TNKS2: variants seen among roughly 807,000 people sequenced by gnomAD.
TNKS2 encodes poly [ADP-ribose] polymerase tankyrase-2.
A neutral mutation model predicts 137.6 loss-of-function variants in TNKS2; 72 were observed. The observed-to-expected ratio is 0.52, with a 90% confidence interval of 0.43 to 0.64. The LOEUF (loss-of-function observed/expected upper bound fraction) is 0.64, where lower values mean the gene tolerates loss of function less well. TNKS2 is among the 30% of genes least tolerant of loss of function. The pLI is 0.00. For missense variants in TNKS2, 1,049 were observed against 1,410.2 expected (o/e 0.74, Z 4.10); for synonymous variants, 516 against 512.1 (o/e 1.01, Z -0.10).
chr10:91,835,836 G>C (rs773908296), intron 12 of TNKS2, among the ~76,000 whole-genome samples: 3 of 145,036 alleles, frequency 2.1e-5, no homozygotes, highest in Non-Finnish European at 4.5e-5. Flanking sequence ...TCCAACTCCT[G>C]ACCTCAAGTA....
intron 1 of TNKS2, 28 bp from the exon 2 acceptor site, chr10:91,812,955 T>TA (rs766593265): frequency 6.2e-6 from 10 of 1,610,064 alleles, no homozygotes; most frequent in Admixed American, 5.0e-5. Context: ...TTGTTGAACT[T>TA]ACGTGTGGAC....
intron 17 of TNKS2, among the ~76,000 whole-genome samples, 198 bp downstream of exon 17, chr10:91,845,226 T>C (rs1306482471): frequency 6.6e-6 from 1 of 152,228 alleles, no homozygotes. Flanking sequence ...TATTGTTGTT[T>C]GTTTTATTAT....
At chr10:91,803,295 C>G (rs1234687346) in intron 1 of TNKS2, among the ~76,000 whole-genome samples, 1 of 152,028 alleles carries the variant, frequency 6.6e-6, no homozygotes, top group African/African-American at 2.4e-5. Context: ...GGAGTATCAC[C>G]TGAACTCAAG....
In TNKS2 at chr10:91,851,201, C is replaced by A; in HGVS notation, c.2695-15C>A. The A allele has an allele frequency of 1.2e-6, 2 of 1,612,252 alleles. No homozygotes were observed. The highest frequency in any genetic ancestry group is 1.7e-6 in the Non-Finnish European group (2 of 1,179,506). ...ATAAGTAAGCATTCTAAGTAGTTTC[C>A]TCCTCTTTTGTAAGATCACTTTGGA... On this transcript the variant is annotated splice_polypyrimidine_tract_variant and intron_variant, in intron 20 of 26. Transcript: ENST00000371627.
In TNKS2 at chr10:91,849,540, A is replaced by G. The variant is rs757298790; in HGVS notation, c.2640A>G (p.Gln880=). 5.0e-6 allele frequency: 8 copies of G among 1,612,030 alleles called. No homozygotes were observed. The African/African-American group carries it at 9.4e-5, about 19-fold the overall frequency. ...CAGGAGTAGATTTTAGCATAACTCA[A>G]TTCGTAAGGAATCTTGGACTTGAGC... ...EVPGVDFSIT[Q]FVRNLGLEHL... Residue 880 remains glutamine (Q), a synonymous_variant, in exon 20 of 27, where the codon CAA becomes CAG. Coordinates refer to ENST00000371627, the MANE Select transcript of TNKS2 (RefSeq NM_025235.4).
At position 91,807,791 on chromosome 10, in the gene TNKS2, G is replaced by A. The variant is rs183442109; in HGVS notation, c.200-5192G>A. On this transcript the variant is annotated intron_variant, in intron 1 of 26. Coordinates refer to ENST00000371627, the MANE Select transcript of TNKS2 (RefSeq NM_025235.4). ...GAGCGGCTCACGAGGTCAGGAGATC[G>A]AGACCATCCTGGCTAACATGGTGAA... Among the ~76,000 whole-genome samples, 597 of 152,154 alleles carry A rather than the reference G, an allele frequency of 3.9e-3. 6 individuals carry two copies. The highest frequency in any genetic ancestry group is 0.014 in the African/African-American group (564 of 41,534).
intron 20 of TNKS2, among the ~76,000 whole-genome samples, chr10:91,850,054 T>C (rs777715534): frequency 6.6e-6 from 1 of 152,128 alleles, no homozygotes; most frequent in Non-Finnish European, 1.5e-5. Flanking sequence ...GGACTTTCAT[T>C]GTAGTTATGG....
chr10:91,852,424 G>C (rs1476194836), intron 21 of TNKS2, among the ~76,000 whole-genome samples: 1 of 151,352 alleles, frequency 6.6e-6, no homozygotes, highest in Non-Finnish European at 1.5e-5. Context: ...GCCAGGCGTG[G>C]TGGCGGGCAC....
In TNKS2 at chr10:91,807,371, C is replaced by T. The variant is rs1844357352; in HGVS notation, c.200-5612C>T. 5 of 1,614,060 alleles carry T rather than the reference C, an allele frequency of 3.1e-6. No homozygotes were observed. In the African/African-American group the frequency reaches 5.3e-5, roughly 17 times the overall value. ...TATATTTGAGAACCACACGTGCCTT[C>T]ATAGGGTCAGCGAGGTAAAGCTTCT... is the stretch of plus-strand genomic sequence containing the variant. On this transcript the variant is annotated intron_variant, in intron 1 of 26. Coordinates refer to ENST00000371627, the MANE Select transcript of TNKS2 (RefSeq NM_025235.4).
Position 91,842,340 on chromosome 10 carries a change from G to A in TNKS2, c.2008G>A (p.Val670Ile). ...RVKKLSSPDN[V>I]NCRDTQGRHS... ...GAAGAAGTTGTCTTCTCCTGATAATGTAAATTGCCGCGATACCCAAGGCAG... is the reference window on the plus strand; with the variant it reads ...GAAGAAGTTGTCTTCTCCTGATAATATAAATTGCCGCGATACCCAAGGCAG... The change falls in exon 16 of 27, where the codon GTA (valine) becomes ATA (isoleucine). Residue 670 changes from valine to isoleucine, a missense_variant. Physicochemically the swap from Val to Ile is conservative, Grantham distance 29. This residue lies in a region of TNKS2 where 328 missense variants were observed against 436.0 expected (regional missense o/e 0.75). Coordinates refer to ENST00000371627, the MANE Select transcript of TNKS2 (RefSeq NM_025235.4). 6 of 1,614,178 alleles carry A rather than the reference G, an allele frequency of 3.7e-6. No individual in the cohort carries two copies. Among genetic ancestry groups the A allele is most frequent in the Non-Finnish European group, 5.1e-6 (6 of 1,180,002 alleles).
At chr10:91,799,048 G>A (rs1844069506) in intron 1 of TNKS2, among the ~76,000 whole-genome samples, 159 bp downstream of exon 1, 1 of 152,176 alleles carries the variant, frequency 6.6e-6, no homozygotes, top group Non-Finnish European at 1.5e-5. Flanking sequence ...GAGATTAGGG[G>A]TAGGGTGAGC....
chr10:91,818,032 G>C (rs940353432), intron 3 of TNKS2, among the ~76,000 whole-genome samples: 1 of 152,206 alleles, frequency 6.6e-6, no homozygotes, highest in African/African-American at 2.4e-5. Context: ...AGAAAATTTA[G>C]ACTTCTTCAT....
At chr10:91,819,224 ATTTTTC>A in intron 3 of TNKS2, 40 bp from the exon 4 acceptor site, 1 of 1,185,806 alleles carries the variant, frequency 8.4e-7, no homozygotes, top group African/African-American at 1.7e-5. Context: ...AAACTCATTA[ATTTTTC>A]TTTTTAATTT....
chr10:91,811,000 T>C (rs1589647629), intron 1 of TNKS2, among the ~76,000 whole-genome samples: 1 of 135,196 alleles, frequency 7.4e-6, no homozygotes, highest in East Asian at 2.6e-4. Flanking sequence ...TGATCTCGGC[T>C]CACTGCAACC....
At chr10:91,807,614 A>G (rs1351092651) in intron 1 of TNKS2, among the ~76,000 whole-genome samples, 1 of 152,178 alleles carries the variant, frequency 6.6e-6, no homozygotes, top group Non-Finnish European at 1.5e-5. Flanking sequence ...AATGTCAACA[A>G]ATTGCTCTGT....
intron 21 of TNKS2, 110 bp from the exon 22 acceptor site, chr10:91,854,919 A>AC: frequency 2.6e-6 from 1 of 382,096 alleles, no homozygotes; most frequent in Non-Finnish European, 4.4e-6. Flanking sequence ...AAAAAAGTTT[A>AC]AAAAAAAAAA....
intron 23 of TNKS2, 106 bp downstream of exon 23, chr10:91,855,794 G>A (rs1233450332): frequency 2.9e-6 from 2 of 698,130 alleles, no homozygotes; most frequent in African/African-American, 3.8e-5. Flanking sequence ...GTAAGTCCTT[G>A]ACTTGGCATC....
intron 20 of TNKS2, 69 bp from the exon 21 acceptor site, chr10:91,851,147 G>A (rs2133671810): frequency 6.4e-7 from 1 of 1,554,166 alleles, no homozygotes; most frequent in South Asian, 1.2e-5. Context: ...TACATATTAT[G>A]AAAACACCAA....
chr10:91,799,382 G>A (rs1844083105), intron 1 of TNKS2, among the ~76,000 whole-genome samples: 1 of 152,192 alleles, frequency 6.6e-6, no homozygotes, highest in South Asian at 2.1e-4. Flanking sequence ...ACACATTAGC[G>A]TTAATTGGTT....
Sources: gnomAD v4.1 joint callset for allele counts (sites outside exome capture counted in the v4.1 genomes callset) on GRCh38, gnomAD v4.1.1 for gene constraint, gnomAD v4.1.1 regional missense constraint, MANE v1.5 for transcripts, NCBI Gene and HGNC (gene_info 2026-07-23, HGNC 2026-07-21) for gene names.